ACCSL: variants seen among roughly 807,000 people sequenced by gnomAD.
ACCSL encodes the protein 1-aminocyclopropane-1-carboxylate synthase homolog (inactive) like, also known as probable inactive 1-aminocyclopropane-1-carboxylate synthase-like protein 2.
Under a neutral mutation model 61.7 loss-of-function variants are expected in ACCSL, and 55 were observed. That is an observed-to-expected ratio of 0.89 (90% CI 0.72 to 1.12). ACCSL has a LOEUF of 1.12. Ranked by LOEUF, ACCSL falls within the 50% of genes most tolerant of loss-of-function variation. The pLI is 0.00. For synonymous variants in ACCSL, 258 were observed against 264.3 expected (o/e 0.98, Z 0.23); for missense variants, 632 against 698.0 (o/e 0.91, Z 1.07).
At chr11:43,948,749 C>T in the ACCSL span, among the ~76,000 whole-genome samples, 18 of 152,198 alleles carry the variant, frequency 1.2e-4, no homozygotes, top group African/African-American at 4.3e-4. Context: ...GATGAGATTA[C>T]AGGTGTGAGT....
At chr11:44,041,851 C>T in the ACCSL span, among the ~76,000 whole-genome samples, 1 of 152,164 alleles carries the variant, frequency 6.6e-6, no homozygotes, top group Non-Finnish European at 1.5e-5. Flanking sequence ...AGAGATGTTT[C>T]ATGTTAAATA....
the ACCSL span, among the ~76,000 whole-genome samples, chr11:44,020,664 G>A: frequency 6.6e-6 from 1 of 152,040 alleles, no homozygotes; most frequent in Non-Finnish European, 1.5e-5. Flanking sequence ...TGGGGGAACA[G>A]GTGGTATCTA....
chr11:43,943,009 C>A, the ACCSL span: 5 of 1,507,206 alleles, frequency 3.3e-6, no homozygotes, highest in African/African-American at 4.3e-5. This position sits in a 1 kb window ranked among gnomAD's most constrained non-coding sequence, Gnocchi z 4.8. Flanking sequence ...CCGTGCGGCC[C>A]GCCAAGCTGC....
chr11:43,976,229 T>A, the ACCSL span, among the ~76,000 whole-genome samples: 1 of 152,158 alleles, frequency 6.6e-6, no homozygotes, highest in Non-Finnish European at 1.5e-5. Flanking sequence ...TGGGAGGAAG[T>A]AAGTTTATCT....
chr11:43,924,137 G>A, the ACCSL span, among the ~76,000 whole-genome samples: 1 of 152,254 alleles, frequency 6.6e-6, no homozygotes, highest in Non-Finnish European at 1.5e-5. Context: ...TGGGACCACA[G>A]CATCCATAAT....
At chr11:44,049,932 T>C in intron 1 of ACCSL, 130 bp from the exon 2 acceptor site, 5 of 1,245,560 alleles carry the variant, frequency 4.0e-6, no homozygotes, top group Non-Finnish European at 5.8e-6. Context: ...TTTCCTAACG[T>C]GTAAAGTTGT....
At chr11:43,945,743 G>T in the ACCSL span, 1 of 152,134 alleles carries the variant, frequency 6.6e-6, no homozygotes, top group East Asian at 1.9e-4. Context: ...AGCTATTCAG[G>T]AGGCTGAGGG....
chr11:43,943,973 AC>A, the ACCSL span: 1 of 785,264 alleles, frequency 1.3e-6, no homozygotes, highest in Non-Finnish European at 1.8e-6. The surrounding 1 kb of genome is among the most constrained non-coding windows in gnomAD (Gnocchi z 4.8). Context: ...GGGATGTCGG[AC>A]CAGGGAGCCG....
intron 7 of ACCSL, 125 bp from the exon 8 acceptor site, chr11:44,053,281 G>T (rs1952651000): frequency 3.2e-6 from 3 of 935,640 alleles, no homozygotes; most frequent in East Asian, 2.5e-5. Context: ...GGGCAGTATA[G>T]TAGTTGCTGC....
the ACCSL span, among the ~76,000 whole-genome samples, chr11:43,941,147 C>T: frequency 6.6e-6 from 1 of 152,124 alleles, no homozygotes; most frequent in Non-Finnish European, 1.5e-5. Context: ...GTTATTATTG[C>T]CCTTCTGGTG....
At chr11:43,985,440 C>CTGTT in the ACCSL span, among the ~76,000 whole-genome samples, 10 of 152,180 alleles carry the variant, frequency 6.6e-5, no homozygotes, top group Non-Finnish European at 1.3e-4. Context: ...TAGGCAGGAT[C>CTGTT]TGTTGCTGTG....
At chr11:43,964,790 A>G in the ACCSL span, among the ~76,000 whole-genome samples, 1 of 152,156 alleles carries the variant, frequency 6.6e-6, no homozygotes, top group Admixed American at 6.5e-5. Context: ...GATTCAGTGT[A>G]AGAAAATCAA....
At chr11:44,040,290 G>T in the ACCSL span, among the ~76,000 whole-genome samples, 3 of 152,132 alleles carry the variant, frequency 2.0e-5, no homozygotes, top group African/African-American at 7.2e-5. Context: ...AAAGTACGTA[G>T]GCCCAGGCCT....
the ACCSL span, among the ~76,000 whole-genome samples, chr11:43,937,263 G>A: frequency 2.6e-5 from 4 of 152,184 alleles, no homozygotes; most frequent in African/African-American, 9.7e-5. Context: ...TAGTGGGGAA[G>A]GCGGACAGTA....
At chr11:43,954,345 A>C in the ACCSL span, among the ~76,000 whole-genome samples, 1 of 152,084 alleles carries the variant, frequency 6.6e-6, no homozygotes, top group Non-Finnish European at 1.5e-5. Context: ...GAAAGAGAAG[A>C]GCTTTCTCCT....
At chr11:44,036,666 C>A in the ACCSL span, among the ~76,000 whole-genome samples, 2,763 of 151,844 alleles carry the variant, frequency 0.018, 98 homozygotes, top group African/African-American at 0.063. Flanking sequence ...CATGTAATCC[C>A]AGCTACTTGG....
chr11:43,955,453 GC>G, the ACCSL span, among the ~76,000 whole-genome samples: 1 of 152,308 alleles, frequency 6.6e-6, no homozygotes, highest in East Asian at 1.9e-4. Context: ...AGAGATCACA[GC>G]CTGATAAAGA....
the ACCSL span, among the ~76,000 whole-genome samples, chr11:43,982,634 G>A: frequency 6.6e-6 from 1 of 152,126 alleles, no homozygotes; most frequent in East Asian, 1.9e-4. Flanking sequence ...ACGTGGCCGA[G>A]TCCCTGGCAC....
At chr11:44,024,968 A>G in the ACCSL span, among the ~76,000 whole-genome samples, 2 of 152,124 alleles carry the variant, frequency 1.3e-5, no homozygotes, top group African/African-American at 2.4e-5. Flanking sequence ...ATTTTGTCTT[A>G]AAGTCTATTT....
Sources: gnomAD v4.1 joint callset for allele counts (sites outside exome capture counted in the v4.1 genomes callset) on GRCh38, gnomAD v4.1.1 for gene constraint, Gnocchi (gnomAD v3.1) non-coding constraint, MANE v1.5 for transcripts, NCBI Gene and HGNC (gene_info 2026-07-23, HGNC 2026-07-21) for gene names.